LRBA: variants seen among roughly 807,000 people sequenced by gnomAD.
The protein encoded by LRBA is LPS responsive beige-like anchor protein.
In LRBA, 176 loss-of-function variants were observed where a neutral mutation model predicts 330.0. That is an observed-to-expected ratio of 0.53 (90% CI 0.47 to 0.60). LRBA has a LOEUF of 0.60. LRBA is among the 20% of genes least tolerant of loss of function. The pLI is 0.00. For missense variants in LRBA, 3,259 were observed against 3,444.8 expected (o/e 0.95, Z 1.35); for synonymous variants, 1,230 against 1,193.0 (o/e 1.03, Z -0.64).
chr4:150,751,673 A>C (rs1733572590), intron 35 of LRBA, among the ~76,000 whole-genome samples: 1 of 152,182 alleles, frequency 6.6e-6, no homozygotes, highest in Admixed American at 6.5e-5. Flanking sequence ...ACATATTTTA[A>C]TATTAAGAAG....
At chr4:150,698,711 G>C (rs1784840523) in intron 36 of LRBA, among the ~76,000 whole-genome samples, 1 of 151,904 alleles carries the variant, frequency 6.6e-6, no homozygotes, top group South Asian at 2.1e-4. Context: ...AGTTCCTTTA[G>C]TTTCACAAAC....
At chr4:150,434,413 T>A (rs1194922193) in intron 46 of LRBA, among the ~76,000 whole-genome samples, 1 of 152,236 alleles carries the variant, frequency 6.6e-6, no homozygotes, top group Non-Finnish European at 1.5e-5. Flanking sequence ...AATAATGGAA[T>A]GCTTTACTAA....
intron 40 of LRBA, among the ~76,000 whole-genome samples, chr4:150,569,186 G>A (rs538562718): frequency 3.3e-5 from 5 of 152,096 alleles, no homozygotes; most frequent in African/African-American, 1.2e-4. Flanking sequence ...AAAAAATACC[G>A]TGACAAAAGA....
At chr4:150,278,439 C>T (rs898129673) in intron 55 of LRBA, among the ~76,000 whole-genome samples, 7 of 149,022 alleles carry the variant, frequency 4.7e-5, no homozygotes, top group Non-Finnish European at 8.9e-5. Context: ...TGGAGGGAGG[C>T]GGCCAGCAGC....
intron 34 of LRBA, among the ~76,000 whole-genome samples, chr4:150,779,960 A>G (rs1346859875): frequency 1.3e-5 from 2 of 152,204 alleles, no homozygotes; most frequent in African/African-American, 2.4e-5. Flanking sequence ...ATTATTGTAC[A>G]GCAAGTAAAA....
chr4:150,811,425 A>AT (rs1743700949), intron 31 of LRBA, among the ~76,000 whole-genome samples: 1 of 71,300 alleles, frequency 1.4e-5, no homozygotes, highest in Admixed American at 1.6e-4. Context: ...ATGAGGCTTT[A>AT]GGAAAAAAAA....
At chr4:150,311,729 G>A (rs916218616) in intron 51 of LRBA, among the ~76,000 whole-genome samples, 1 of 152,134 alleles carries the variant, frequency 6.6e-6, no homozygotes, top group African/African-American at 2.4e-5. Flanking sequence ...GCTAGAAAGT[G>A]ACAGCAGTAG....
At chr4:150,322,304 A>G (rs1732621669) in intron 49 of LRBA, among the ~76,000 whole-genome samples, 2 of 152,216 alleles carry the variant, frequency 1.3e-5, no homozygotes, top group Non-Finnish European at 2.9e-5. Context: ...GTCATAATCC[A>G]AGACATATAT....
At chr4:150,887,748 AAC>A (rs371191517) in intron 17 of LRBA, among the ~76,000 whole-genome samples, 13 of 145,322 alleles carry the variant, frequency 8.9e-5, no homozygotes, top group African/African-American at 3.1e-4. Flanking sequence ...CAGTCTGGGC[AAC>A]AGAGCACGAC....
chr4:150,784,660 T>A (rs963856754), intron 34 of LRBA, among the ~76,000 whole-genome samples: 1 of 152,318 alleles, frequency 6.6e-6, no homozygotes, highest in African/African-American at 2.4e-5. Context: ...GGGTTCCCTC[T>A]CTTGGCTTTG....
At chr4:150,268,041 T>C (rs988630585) in intron 56 of LRBA, among the ~76,000 whole-genome samples, 7 of 138,984 alleles carry the variant, frequency 5.0e-5, no homozygotes, top group East Asian at 2.1e-4. Context: ...GCCTGGGTGA[T>C]AGAGTGAGAC....
chr4:150,765,043 A>G (rs1304572926), intron 34 of LRBA, among the ~76,000 whole-genome samples: 2 of 151,900 alleles, frequency 1.3e-5, no homozygotes, highest in Non-Finnish European at 2.9e-5. Context: ...AGGCGAATGG[A>G]TAAATTGTGG....
At chr4:150,271,600 A>G (rs1746108886) in intron 56 of LRBA, among the ~76,000 whole-genome samples, 1 of 146,298 alleles carries the variant, frequency 6.8e-6, no homozygotes, top group South Asian at 2.2e-4. Flanking sequence ...GCAAGCTAAG[A>G]TCCACTGGCT....
chr4:150,894,635 T>G (rs1729861824), intron 16 of LRBA, among the ~76,000 whole-genome samples: 1 of 152,202 alleles, frequency 6.6e-6, no homozygotes, highest in African/African-American at 2.4e-5. Flanking sequence ...GAATTTTTGC[T>G]GTGGAAGCTA....
intron 37 of LRBA, among the ~76,000 whole-genome samples, chr4:150,653,438 G>C (rs1446368203): frequency 6.6e-6 from 1 of 152,020 alleles, no homozygotes; most frequent in Non-Finnish European, 1.5e-5. Context: ...GATAGTAAAA[G>C]CTACTTCATT....
chr4:150,896,601 T>G (rs747207731), intron 15 of LRBA, 145 bp from the exon 16 acceptor site: 4 of 495,044 alleles, frequency 8.1e-6, no homozygotes, highest in Non-Finnish European at 1.4e-5. Flanking sequence ...AAACAAAAAT[T>G]TGGGGAAGCA....
At chr4:150,973,574 AAT>A (rs1203675906) in intron 2 of LRBA, among the ~76,000 whole-genome samples, 1 of 152,258 alleles carries the variant, frequency 6.6e-6, no homozygotes, top group East Asian at 1.9e-4. Context: ...AAATGTGTAC[AAT>A]ATAGAGTAAA....
chr4:151,013,678 TAG>T (rs1203019635), intron 2 of LRBA: 1 of 152,094 alleles, frequency 6.6e-6, no homozygotes, highest in East Asian at 1.9e-4. Flanking sequence ...CTGGGCAACA[TAG>T]AGAGGCCTCA....
At chr4:150,817,338 G>A in intron 30 of LRBA, 81 bp from the exon 31 acceptor site, 6 of 1,245,082 alleles carry the variant, frequency 4.8e-6, no homozygotes, top group Non-Finnish European at 6.9e-6. Context: ...ACAGAAACTA[G>A]GTAGCTAACT....
Sources: gnomAD v4.1 joint callset for allele counts (sites outside exome capture counted in the v4.1 genomes callset) on GRCh38, gnomAD v4.1.1 for gene constraint, MANE v1.5 for transcripts, NCBI Gene and HGNC (gene_info 2026-07-23, HGNC 2026-07-21) for gene names.